Variants in IQSEC1 observed in about 807,000 individuals in gnomAD.
IQSEC1 encodes IQ motif and SEC7 domain-containing protein 1.
In IQSEC1, 31 loss-of-function variants were observed where a neutral mutation model predicts 91.0. That is an observed-to-expected ratio of 0.34 (90% confidence interval 0.26 to 0.46). The LOEUF (loss-of-function observed/expected upper bound fraction) is 0.46. Ranked by LOEUF, IQSEC1 falls within the 20% of genes least tolerant of loss-of-function variation. The probability of loss-of-function intolerance (pLI) is 1.00; values close to 1 mark genes in which losing one functional copy is unlikely to be tolerated. For missense variants in IQSEC1, 1,388 were observed against 1,575.6 expected (o/e 0.88, Z 2.02); for synonymous variants, 699 against 662.6 (o/e 1.05, Z -0.84).
At chr3:13,052,214 C>T (rs1704716252) in intron 1 of IQSEC1, among the ~76,000 whole-genome samples, 1 of 152,352 alleles carries the variant, frequency 6.6e-6, no homozygotes, top group Non-Finnish European at 1.5e-5. Context: ...CTCTTCCCAC[C>T]AGCCCTTATC....
At chr3:13,179,510 G>A (rs911295954) in intron 1 of IQSEC1, among the ~76,000 whole-genome samples, 1 of 152,360 alleles carries the variant, frequency 6.6e-6, no homozygotes, top group African/African-American at 2.4e-5. Context: ...AGTGATAAAG[G>A]GGCCAATTCT....
chr3:12,899,734 G>C lies in IQSEC1; in HGVS notation c.*1249C>G. ...AAACGGGAAACACACACACCGCCCTGGGTTGCTAAACGCTAAAGTCAACCT... is the reference window on the plus strand; with the variant it reads ...AAACGGGAAACACACACACCGCCCTCGGTTGCTAAACGCTAAAGTCAACCT... On this transcript the variant is annotated 3_prime_UTR_variant, in exon 14 of 14. Coordinates refer to ENST00000613206, the MANE Select transcript of IQSEC1 (RefSeq NM_001134382.3). The C allele has an allele frequency of 1.0e-6, 1 of 985,424 alleles. No homozygotes were observed. The highest frequency in any genetic ancestry group is 1.2e-6 in the Non-Finnish European group (1 of 829,934). 61.0% of individuals were successfully genotyped at this position (985,424 alleles called of 1,614,324 possible). A position where few individuals can be genotyped will look rare whatever the true frequency, so the allele number is the denominator to read the frequency against.
intron 1 of IQSEC1, among the ~76,000 whole-genome samples, chr3:13,184,187 C>A (rs1358975284): frequency 1.3e-5 from 2 of 152,138 alleles, no homozygotes; most frequent in African/African-American, 4.8e-5. Context: ...CCCTGATACC[C>A]AAACTAGACA....
intron 2 of IQSEC1, among the ~76,000 whole-genome samples, chr3:13,123,205 A>G (rs1706452494): frequency 6.6e-6 from 1 of 152,256 alleles, no homozygotes; most frequent in Non-Finnish European, 1.5e-5. Context: ...AGGCCTTTGA[A>G]GGTTATTACC....
chr3:12,929,661 C>A (rs1362285221), intron 3 of IQSEC1, among the ~76,000 whole-genome samples: 1 of 152,228 alleles, frequency 6.6e-6, no homozygotes, highest in East Asian at 1.9e-4. Flanking sequence ...GCAGTCACCC[C>A]ATTCCCACAG....
At chr3:13,148,730 T>G (rs1182273505) in intron 2 of IQSEC1, among the ~76,000 whole-genome samples, 1 of 152,254 alleles carries the variant, frequency 6.6e-6, no homozygotes, top group Non-Finnish European at 1.5e-5. Flanking sequence ...GCCTGGCCCC[T>G]GCAGGCTTCT....
chr3:13,281,312 C>T (rs1003785874), intron 1 of IQSEC1, among the ~76,000 whole-genome samples: 4 of 152,138 alleles, frequency 2.6e-5, no homozygotes, highest in African/African-American at 4.8e-5. Flanking sequence ...TCAGAGACTC[C>T]GGAGGGCCAG....
chr3:13,040,274 C>T (rs1704204449), intron 1 of IQSEC1, among the ~76,000 whole-genome samples: 1 of 152,214 alleles, frequency 6.6e-6, no homozygotes, highest in Non-Finnish European at 1.5e-5. Flanking sequence ...TGCAGGAAGC[C>T]TTCCAATAAG....
At chr3:13,255,664 T>G (rs1299881599) in intron 1 of IQSEC1, among the ~76,000 whole-genome samples, 1 of 152,028 alleles carries the variant, frequency 6.6e-6, no homozygotes, top group Non-Finnish European at 1.5e-5. Flanking sequence ...TCATCCAGGC[T>G]GAAGAGCAGC....
At chr3:13,133,630 G>A (rs369940635) in intron 2 of IQSEC1, among the ~76,000 whole-genome samples, 2 of 152,236 alleles carry the variant, frequency 1.3e-5, no homozygotes, top group African/African-American at 4.8e-5. Context: ...TTTGAAGAGC[G>A]GTTGCACCGA....
chr3:13,213,525 G>C (rs1694483830), intron 1 of IQSEC1, among the ~76,000 whole-genome samples: 1 of 152,118 alleles, frequency 6.6e-6, no homozygotes. Context: ...TGTGAATTAT[G>C]GAATCAGCTC....
intron 3 of IQSEC1, among the ~76,000 whole-genome samples, chr3:12,930,534 GGAGGAGAA>G (rs1236282215): frequency 6.6e-6 from 1 of 152,202 alleles, no homozygotes; most frequent in Non-Finnish European, 1.5e-5. Flanking sequence ...GCCGATGAGG[GGAGGAGAA>G]TCTCTCTTCC....
intron 1 of IQSEC1, among the ~76,000 whole-genome samples, chr3:13,180,815 A>G (rs974610118): frequency 6.6e-6 from 1 of 151,650 alleles, no homozygotes. Flanking sequence ...AGCCAGCGAG[A>G]CCACGAACCC....
rs1455683012 is a variant in IQSEC1 at position 12,901,492 on chromosome 3, G to A, written c.2836C>T (p.Arg946Trp). ...GSIISSPHMR[R>W]RATSTRECPS... ...CACTCTCGTGTTGATGTAGCTCTCC[G>A]GCGCATGTGAGGACTGCTAATGATG... The change falls in exon 14 of 14, where the codon CGG becomes TGG. Residue 946 changes from arginine to tryptophan, a missense_variant. By Grantham distance (101) the Arg-to-Trp change is moderately radical. Transcript: ENST00000613206. The A allele has an allele frequency of 2.2e-5, 34 of 1,549,878 alleles. No homozygotes were observed. The highest frequency in any genetic ancestry group is 2.8e-5 in the Non-Finnish European group (32 of 1,146,906).
intron 1 of IQSEC1, among the ~76,000 whole-genome samples, chr3:12,985,337 A>G (rs763946820): frequency 3.3e-5 from 5 of 152,124 alleles, no homozygotes; most frequent in African/African-American, 9.7e-5. Flanking sequence ...AGGTCACCCA[A>G]TGGCCAGCTG....
At chr3:13,037,145 C>G (rs558333038) in intron 1 of IQSEC1, among the ~76,000 whole-genome samples, 1 of 152,286 alleles carries the variant, frequency 6.6e-6, no homozygotes, top group African/African-American at 2.4e-5. Flanking sequence ...AAAAAACCAC[C>G]TGGCTTTCAA....
chr3:13,012,964 C>CTTTTTTTTTTTTTTTTTT lies in IQSEC1; in HGVS notation c.23+60027_23+60028insAAAAAAAAAAAAAAAAAA, dbSNP rs35541458. 1.0e-4 allele frequency among the ~76,000 whole-genome samples: 10 copies of CTTTTTTTTTTTTTTTTTT among 97,516 alleles called. 3 individuals are homozygous for CTTTTTTTTTTTTTTTTTT. Among genetic ancestry groups the CTTTTTTTTTTTTTTTTTT allele is most frequent in the African/African-American group, 2.4e-4 (5 of 21,276 alleles). The allele number at this position is 97,516 out of a possible 152,430, so 64.0% of individuals were successfully genotyped here. A position where few individuals can be genotyped will look rare whatever the true frequency, so the allele number is the denominator to read the frequency against. On this transcript the variant is annotated intron_variant, in intron 1 of 13. Transcript: ENST00000613206. ...ACAGAAACTCCCATGAAAGTCTGGG[C>CTTTTTTTTTTTTTTTTTT]TTTTTTTTTTTTTTTTGAGACAGTC...
chr3:13,031,788 C>A (rs747062986), intron 1 of IQSEC1, among the ~76,000 whole-genome samples: 1 of 151,998 alleles, frequency 6.6e-6, no homozygotes, highest in Non-Finnish European at 1.5e-5. Flanking sequence ...GAGGAGAGGG[C>A]GGTGCTACAC....
chr3:13,197,300 A>T (rs1426970584), intron 1 of IQSEC1, among the ~76,000 whole-genome samples: 1 of 152,184 alleles, frequency 6.6e-6, no homozygotes, highest in Non-Finnish European at 1.5e-5. Context: ...CAACAGCGGG[A>T]AAGAGGCATC....
Sources: allele counts gnomAD v4.1 joint callset (sites outside exome capture counted in the v4.1 genomes callset), GRCh38; gene constraint gnomAD v4.1.1; transcripts MANE v1.5; gene names NCBI Gene and HGNC (gene_info 2026-07-23, HGNC 2026-07-21).